Variants in LIPI observed in about 807,000 individuals in gnomAD.
The protein encoded by LIPI is lipase member I.
A neutral mutation model predicts 50.6 loss-of-function variants in LIPI; 59 were observed. The observed-to-expected ratio is 1.16, with a 90% CI of 0.94 to 1.45. The LOEUF is 1.45. Among genes scored for constraint, LIPI ranks in the 40% most tolerant of loss-of-function variants. LIPI has a pLI of 0.00. For missense variants in LIPI, 586 were observed against 536.3 expected (o/e 1.09, Z -0.92); for synonymous variants, 203 against 178.2 (o/e 1.14, Z -1.11).
chr21:14,113,167 A>G (rs1475895003), intron 9 of LIPI, among the ~76,000 whole-genome samples: 1 of 152,256 alleles, frequency 6.6e-6, no homozygotes, highest in African/African-American at 2.4e-5. Context: ...ACATTCAATA[A>G]GATAAAATTC....
chr21:14,167,308 C>A (rs2018724887), intron 4 of LIPI, among the ~76,000 whole-genome samples: 1 of 152,232 alleles, frequency 6.6e-6, no homozygotes, highest in Admixed American at 6.5e-5. Flanking sequence ...AAAAAGACAG[C>A]AGTAACCTCT....
chr21:14,204,243 A>C (rs2020160409), intron 1 of LIPI, among the ~76,000 whole-genome samples: 2 of 151,996 alleles, frequency 1.3e-5, no homozygotes, highest in South Asian at 4.1e-4. Flanking sequence ...AGTGGGTTTA[A>C]GCCGGTTTAA....
At chr21:14,129,461 T>C (rs115752297) in intron 9 of LIPI, among the ~76,000 whole-genome samples, 4,151 of 152,142 alleles carry the variant, frequency 0.027, 180 homozygotes, top group African/African-American at 0.091. Flanking sequence ...AAAATATGTG[T>C]TGTAATTTTC....
chr21:14,184,096 AC>A, intron 3 of LIPI, among the ~76,000 whole-genome samples: 1 of 152,320 alleles, frequency 6.6e-6, no homozygotes, highest in South Asian at 2.1e-4. Flanking sequence ...ACAACGATAG[AC>A]CGGATTAAGA....
At chr21:14,186,979 C>T (rs1421476146) in intron 2 of LIPI, among the ~76,000 whole-genome samples, 1 of 152,144 alleles carries the variant, frequency 6.6e-6, no homozygotes, top group Non-Finnish European at 1.5e-5. Flanking sequence ...TGGACTAAAA[C>T]ACAAACCTAG....
chr21:14,169,721 G>C (rs1182822853), intron 4 of LIPI, among the ~76,000 whole-genome samples: 3 of 151,948 alleles, frequency 2.0e-5, no homozygotes, highest in Non-Finnish European at 4.4e-5. Context: ...GCAGTGTGTA[G>C]AGGGAAATTT....
chr21:14,119,579 T>C (rs947361032), intron 9 of LIPI, among the ~76,000 whole-genome samples: 5 of 152,116 alleles, frequency 3.3e-5, no homozygotes, highest in Non-Finnish European at 7.4e-5. Flanking sequence ...TATGAGGCGA[T>C]GAAAGGGCAG....
chr21:14,133,340 A>C (rs933777685), intron 9 of LIPI, among the ~76,000 whole-genome samples: 3 of 152,236 alleles, frequency 2.0e-5, no homozygotes, highest in Non-Finnish European at 4.4e-5. Context: ...CACATGTGCA[A>C]ATTAATAACT....
At position 14,168,665 on chromosome 21, in the gene LIPI, G is replaced by A. The variant is rs569633261; in HGVS notation, c.644-2214C>T. Among the ~76,000 whole-genome samples the A allele has an allele frequency of 2.3e-3, 348 of 152,280 alleles. 1 individual carries two copies. Among genetic ancestry groups the A allele is most frequent in the African/African-American group, 8.0e-3 (333 of 41,556 alleles). On this transcript the variant is annotated intron_variant, in intron 4 of 9. Coordinates refer to ENST00000681601, the MANE Select transcript of LIPI (RefSeq NM_001302998.2). ...AATACTTTACAGACAAGCAAATGCTGAGAGATTTTTGTCACCACCAGGCCT... is the reference window on the plus strand; with the variant it reads ...AATACTTTACAGACAAGCAAATGCTAAGAGATTTTTGTCACCACCAGGCCT...
rs1600884591 is a variant in LIPI at position 14,165,371 on chromosome 21, G to T, written c.753C>A (p.Cys251Ter). ...SIFSGIQFIK[C>*]NHQRAVHLFM... is the part of the protein sequence containing the mutation. ...ACAAGTGAACTGCTCTCTGGTGGTT[G>T]CATTTAATGAATTGAATTCCTTAAG... The change falls in exon 6 of 10, where the codon TGC becomes TGA. Residue 251 changes from cysteine to a stop codon, truncating the protein, a stop_gained. Coordinates refer to ENST00000681601, the MANE Select transcript of LIPI (RefSeq NM_001302998.2). LOFTEE classifies it high-confidence loss of function. The T allele has an allele frequency of 1.2e-6, 2 of 1,610,756 alleles. No individual in the cohort carries two copies. The highest frequency in any genetic ancestry group is 4.5e-5 in the East Asian group (2 of 44,726).
At chr21:14,115,599 C>T (rs150602872) in intron 9 of LIPI, among the ~76,000 whole-genome samples, 56 of 152,214 alleles carry the variant, frequency 3.7e-4, no homozygotes, top group Non-Finnish European at 5.3e-4. Context: ...GGTTAGAGCC[C>T]CAGGACGTGG....
At chr21:14,198,797 T>A (rs1461789366) in intron 1 of LIPI, among the ~76,000 whole-genome samples, 2 of 151,774 alleles carry the variant, frequency 1.3e-5, no homozygotes, top group Non-Finnish European at 2.9e-5. Context: ...CATAAAACAA[T>A]AGAATACACA....
chr21:14,207,862 T>C (rs775087660), intron 1 of LIPI, among the ~76,000 whole-genome samples: 1 of 152,236 alleles, frequency 6.6e-6, no homozygotes, highest in Non-Finnish European at 1.5e-5. Flanking sequence ...TCAACATTTA[T>C]GTTACCTTCT....
At chr21:14,174,189 C>G (rs1406328018) in intron 4 of LIPI, among the ~76,000 whole-genome samples, 1 of 152,114 alleles carries the variant, frequency 6.6e-6, no homozygotes, top group Non-Finnish European at 1.5e-5. Context: ...TTGTCATTAA[C>G]TTTGAAGCAG....
At chr21:14,176,231 T>A (rs2019092630) in intron 4 of LIPI, among the ~76,000 whole-genome samples, 1 of 151,762 alleles carries the variant, frequency 6.6e-6, no homozygotes, top group Non-Finnish European at 1.5e-5. Context: ...AAATAATAAT[T>A]AATTTTTATC....
In LIPI at chr21:14,108,997, G is replaced by C; in HGVS notation, c.1379C>G (p.Thr460Arg). 6.2e-7 allele frequency: 1 copy of C among 1,609,234 alleles called. No individual in the cohort carries two copies. The highest frequency in any genetic ancestry group is 8.5e-7 in the Non-Finnish European group (1 of 1,175,992). ...LNPNTCTPKN[T>R] ...CATTTGATGGAAGAAGGCATCTTATGTGTTCTTTGGTGTACATGTGTTTGG... is the reference window on the plus strand; with the variant it reads ...CATTTGATGGAAGAAGGCATCTTATCTGTTCTTTGGTGTACATGTGTTTGG... Residue 460 changes from threonine to arginine, a missense_variant, in exon 10 of 10, where the codon ACA becomes AGA. Physicochemically the swap from Thr to Arg is moderately conservative, Grantham distance 71 (BLOSUM62 -1). Coordinates refer to ENST00000681601, the MANE Select transcript of LIPI (RefSeq NM_001302998.2).
In LIPI at chr21:14,181,728, A is replaced by G. The variant is rs375047826; in HGVS notation, c.643+30T>C. On this transcript the variant is annotated intron_variant, in intron 4 of 9. Transcript: ENST00000681601. Reference sequence around the variant, plus strand: ...TCTACATTTTCCTTTTCATTTTCAAATAATTAGGTAATAAATCCTGATTTG... The same window carrying G: ...TCTACATTTTCCTTTTCATTTTCAAGTAATTAGGTAATAAATCCTGATTTG... 7.0e-5 allele frequency: 94 copies of G among 1,352,184 alleles called. 2 individuals are homozygous for G. The South Asian group carries it at 8.8e-4, about 13-fold the overall frequency. 83.8% of individuals were successfully genotyped at this position (1,352,184 alleles called of 1,614,324 possible). A position where few individuals can be genotyped will look rare whatever the true frequency, so the allele number is the denominator to read the frequency against.
intron 9 of LIPI, among the ~76,000 whole-genome samples, chr21:14,126,031 A>T (rs565294653): frequency 5.7e-5 from 8 of 141,472 alleles, no homozygotes; most frequent in East Asian, 2.0e-4. Flanking sequence ...TCAAACATTT[A>T]AAAAAAAAAG....
intron 9 of LIPI, chr21:14,144,344 T>C (rs1476009340): frequency 1.2e-5 from 3 of 257,786 alleles, no homozygotes; most frequent in Admixed American, 4.9e-5. Context: ...GGTAAACTTC[T>C]AAGGCAGGCA....
Sources: allele counts gnomAD v4.1 joint callset (sites outside exome capture counted in the v4.1 genomes callset), GRCh38; gene constraint gnomAD v4.1.1; transcripts MANE v1.5; gene names NCBI Gene and HGNC (gene_info 2026-07-23, HGNC 2026-07-21).